The following DAB1 variants were observed in gnomAD, a reference collection of about 807,000 sequenced individuals.
The protein encoded by DAB1 is disabled homolog 1.
DAB1 carries 15 observed loss-of-function variants against 64.6 expected under a neutral mutation model. The observed-to-expected ratio is 0.23, with a 90% confidence interval of 0.16 to 0.36. The LOEUF is 0.36. Ranked by LOEUF, DAB1 falls within the 10% of genes least tolerant of loss-of-function variation. The pLI is 1.00. For missense variants in DAB1, 596 were observed against 706.7 expected, an observed-to-expected ratio of 0.84 and a Z score of 1.78; for synonymous variants, 235 against 251.9, an observed-to-expected ratio of 0.93 and a Z score of 0.64.
At chr1:58,411,884 GTTT>G (rs1644673979) in intron 3 of DAB1, among the ~76,000 whole-genome samples, 2 of 152,154 alleles carry the variant, frequency 1.3e-5, no homozygotes, top group African/African-American at 4.8e-5. Flanking sequence ...ACCAAGGAAC[GTTT>G]CCTACAGTGG....
At chr1:57,398,782 C>T (rs1429633579) in intron 1 of DAB1, among the ~76,000 whole-genome samples, 1 of 152,234 alleles carries the variant, frequency 6.6e-6, no homozygotes, top group Non-Finnish European at 1.5e-5. Context: ...GGAGATGCCG[C>T]CTCTGGGCTT....
intron 1 of DAB1, among the ~76,000 whole-genome samples, chr1:57,400,248 G>A (rs1460215437): frequency 6.6e-6 from 1 of 151,950 alleles, no homozygotes; most frequent in Non-Finnish European, 1.5e-5. Flanking sequence ...TTGCAGCATT[G>A]ATTTTTCAGG....
At chr1:57,174,984 C>T (rs1414469893) in intron 2 of DAB1, among the ~76,000 whole-genome samples, 1 of 152,098 alleles carries the variant, frequency 6.6e-6, no homozygotes, top group Non-Finnish European at 1.5e-5. Context: ...AAAAGGGTAA[C>T]TTGTTAAAAC....
chr1:57,525,961 G>A lies in DAB1; in HGVS notation n.625+123631C>T, dbSNP rs190946965. On this transcript the variant is annotated intron_variant and non_coding_transcript_variant, in intron 7 of 20. Transcript: ENST00000485760. ...TTTCTTTTTTTTTTTTTTTTGAGAC[G>A]GAGTTTTGCTCTGTCACCCAGGCTG... Among the ~76,000 whole-genome samples, 54 of 142,048 alleles carry A rather than the reference G, an allele frequency of 3.8e-4. No individual in the cohort carries two copies. In the East Asian group the frequency reaches 9.5e-3, roughly 25 times the overall value. 93.2% of individuals were successfully genotyped at this position (142,048 alleles called of 152,430 possible). A position where few individuals can be genotyped will look rare whatever the true frequency, so the allele number is the denominator to read the frequency against.
At chr1:57,549,023 C>T (rs1011720505) in intron 7 of DAB1, among the ~76,000 whole-genome samples, 1 of 152,130 alleles carries the variant, frequency 6.6e-6, no homozygotes, top group Non-Finnish European at 1.5e-5. Context: ...ATACTCTAGT[C>T]CAGTGTTTTA....
intron 3 of DAB1, among the ~76,000 whole-genome samples, chr1:58,409,118 A>G (rs1417942097): frequency 6.6e-6 from 1 of 152,234 alleles, no homozygotes; most frequent in Non-Finnish European, 1.5e-5. Flanking sequence ...TATATAAAGT[A>G]TGTCATGGAA....
Position 57,557,566 on chromosome 1 carries a change from G to T in DAB1, n.625+92026C>A, listed in dbSNP as rs542353127. ...AGGTTCTAGAGGGACAGAATATTAA[G>T]GATTGAGTTCTTTCATTGGTTTTGG... On this transcript the variant is annotated intron_variant and non_coding_transcript_variant, in intron 7 of 20. Transcript: ENST00000485760. Among the ~76,000 whole-genome samples, 5 of 152,162 alleles carry T rather than the reference G, an allele frequency of 3.3e-5. No individual in the cohort carries two copies. The East Asian group carries it at 5.8e-4, about 18-fold the overall frequency.
chr1:57,617,052 C>G (rs1205019905), intron 7 of DAB1, among the ~76,000 whole-genome samples: 1 of 152,154 alleles, frequency 6.6e-6, no homozygotes, highest in Non-Finnish European at 1.5e-5. Context: ...AACTGCCTAG[C>G]CAGTGGACCG....
Position 57,212,524 on chromosome 1 carries a change from C to G in DAB1, c.68-67095G>C, listed in dbSNP as rs374939425. On this transcript the variant is annotated intron_variant, in intron 2 of 14. Transcript: ENST00000371236. ...CTGGGACTACAGACGGCTGCCACCACGCCTGGCTAACTTTTTGTATTTTTA... is the reference window on the plus strand; with the variant it reads ...CTGGGACTACAGACGGCTGCCACCAGGCCTGGCTAACTTTTTGTATTTTTA... Among the ~76,000 whole-genome samples, 84 of 151,744 alleles carry G rather than the reference C, an allele frequency of 5.5e-4. 1 individual carries two copies. The South Asian group carries it at 0.015, about 27-fold the overall frequency.
At chr1:57,161,378 C>T (rs187939348) in intron 2 of DAB1, among the ~76,000 whole-genome samples, 5 of 152,276 alleles carry the variant, frequency 3.3e-5, no homozygotes, top group Non-Finnish European at 4.4e-5. Context: ...AAAACTGTTG[C>T]GTGTTTGCCA....
intron 1 of DAB1, among the ~76,000 whole-genome samples, chr1:57,331,897 C>A (rs572624180): frequency 3.9e-5 from 6 of 152,196 alleles, no homozygotes; most frequent in African/African-American, 1.4e-4. Context: ...ATCTTGGGTT[C>A]TTGATGACTT....
chr1:58,385,816 T>C (rs1644427922), intron 3 of DAB1, among the ~76,000 whole-genome samples: 1 of 152,154 alleles, frequency 6.6e-6, no homozygotes, highest in Admixed American at 6.5e-5. Context: ...CAAATGGAGA[T>C]CAAGGTACCA....
At chr1:58,078,097 C>G (rs1351676386) in intron 5 of DAB1, 1 of 152,322 alleles carries the variant, frequency 6.6e-6, no homozygotes, top group Non-Finnish European at 1.5e-5. Flanking sequence ...AAACACCACT[C>G]TAACCCCTGC....
At chr1:57,039,927 A>G (rs866149043) in intron 9 of DAB1, among the ~76,000 whole-genome samples, 1 of 152,218 alleles carries the variant, frequency 6.6e-6, no homozygotes, top group Non-Finnish European at 1.5e-5. Context: ...GAGGTCTGTC[A>G]TAAGACTGTG....
intron 3 of DAB1, among the ~76,000 whole-genome samples, chr1:58,347,022 GCCAAGCTT>G (rs1644007991): frequency 6.6e-6 from 1 of 152,168 alleles, no homozygotes; most frequent in South Asian, 2.1e-4. Flanking sequence ...TTGGGTTGCT[GCCAAGCTT>G]AAATACATGA....
chr1:57,691,758 G>A (rs2101714278), intron 6 of DAB1, among the ~76,000 whole-genome samples: 1 of 152,232 alleles, frequency 6.6e-6, no homozygotes, highest in East Asian at 1.9e-4. Flanking sequence ...CCACTGGAAG[G>A]AATAAATTCC....
intron 3 of DAB1, among the ~76,000 whole-genome samples, chr1:58,354,152 C>T (rs575889603): frequency 3.9e-5 from 6 of 152,066 alleles, no homozygotes; most frequent in South Asian, 4.2e-4. Flanking sequence ...GATGTAATGA[C>T]GGTGGGAATA....
At chr1:57,995,594 G>C (rs1646412223) in intron 5 of DAB1, among the ~76,000 whole-genome samples, 1 of 152,122 alleles carries the variant, frequency 6.6e-6, no homozygotes, top group East Asian at 1.9e-4. Flanking sequence ...AATACAGTTA[G>C]AGTAATTAGT....
At chr1:57,242,018 C>T (rs941966548) in intron 2 of DAB1, among the ~76,000 whole-genome samples, 1 of 152,138 alleles carries the variant, frequency 6.6e-6, no homozygotes, top group Admixed American at 6.5e-5. Flanking sequence ...CTTAGAACAT[C>T]TCATAGAAGA....
Sources: gnomAD v4.1 joint callset for allele counts (sites outside exome capture counted in the v4.1 genomes callset) on GRCh38, gnomAD v4.1.1 for gene constraint, MANE v1.5 for transcripts, NCBI Gene and HGNC (gene_info 2026-07-23, HGNC 2026-07-21) for gene names.